PABPN1L: variants seen among roughly 807,000 people sequenced by gnomAD.
PABPN1L encodes the protein embryonic polyadenylate-binding protein 2.
A neutral mutation model predicts 34.0 loss-of-function variants in PABPN1L; 45 were observed. That is an observed-to-expected ratio of 1.32 (90% CI 1.04 to 1.70). PABPN1L has a LOEUF of 1.70. PABPN1L is among the 40% of genes most tolerant of loss of function. The pLI, the probability that PABPN1L is intolerant of heterozygous loss-of-function variation, is 0.00. For missense variants in PABPN1L, 459 were observed against 367.8 expected, an observed-to-expected ratio of 1.25 and a Z score of -2.03; for synonymous variants, 182 against 152.1, an observed-to-expected ratio of 1.20 and a Z score of -1.45.
exon 4 of PABPN1L, chr16:88,865,048 A>C: frequency 6.2e-7 from 1 of 1,600,450 alleles, no homozygotes; most frequent in African/African-American, 1.3e-5. Flanking sequence ...AGAACTTGTC[A>C]CACAGGATCG....
chr16:88,869,545 C>T (rs1385322008), upstream of PABPN1L, among the ~76,000 whole-genome samples: 1 of 152,184 alleles, frequency 6.6e-6, no homozygotes, highest in Non-Finnish European at 1.5e-5. Flanking sequence ...ACATCTGCAC[C>T]GAGGACAGGT....
chr16:88,869,040 C>T (rs960237691), upstream of PABPN1L, among the ~76,000 whole-genome samples: 15 of 152,308 alleles, frequency 9.8e-5, no homozygotes, highest in Middle Eastern at 3.4e-3. Context: ...AAGCGCGATG[C>T]GAGGAGGCAC....
At chr16:88,866,959 A>C (rs1254223210), upstream of PABPN1L, among the ~76,000 whole-genome samples, 2 of 152,240 alleles carry the variant, frequency 1.3e-5, no homozygotes, top group Non-Finnish European at 2.9e-5. Context: ...CACGAACGCC[A>C]CACTGCATGA....
At chr16:88,864,895 G>C (rs759477303) in exon 5 of PABPN1L, 10 of 1,558,660 alleles carry the variant, frequency 6.4e-6, no homozygotes, top group African/African-American at 1.4e-5. Flanking sequence ...CCAGCTCCAC[G>C]GCGGCCTGCA....
exon 7 of PABPN1L, chr16:88,863,791 G>C: frequency 6.5e-7 from 1 of 1,536,006 alleles, no homozygotes; most frequent in Non-Finnish European, 8.7e-7. Flanking sequence ...AATTTTCCAC[G>C]GGCCCTGCAC....
chr16:88,866,153 G>A (rs1390299809), intron 1 of PABPN1L, among the ~76,000 whole-genome samples, 199 bp downstream of exon 1: 3 of 152,226 alleles, frequency 2.0e-5, no homozygotes, highest in Admixed American at 2.0e-4. Flanking sequence ...CCTTCCCCAG[G>A]CGAGAGAGGC....
chr16:88,864,641 G>A (rs1475566961), intron 5 of PABPN1L, among the ~76,000 whole-genome samples: 2 of 145,992 alleles, frequency 1.4e-5, no homozygotes, highest in Non-Finnish European at 3.0e-5. Context: ...GGGGGCTCCC[G>A]CCCGAGAGGG....
intron 6 of PABPN1L, 30 bp from the exon 7 acceptor site, chr16:88,863,825 G>A: frequency 6.5e-7 from 1 of 1,531,056 alleles, no homozygotes; most frequent in Non-Finnish European, 8.7e-7. Context: ...ACACTGAGTG[G>A]CCTTCCAGAG....
chr16:88,866,292 T>C, intron 1 of PABPN1L, 60 bp downstream of exon 1: 1 of 1,510,076 alleles, frequency 6.6e-7, no homozygotes, highest in Non-Finnish European at 8.9e-7. Context: ...ACCCCGTGTC[T>C]CCACCAGCCC....
chr16:88,863,729 C>A (rs1968504435), exon 7 of PABPN1L: 2 of 1,535,796 alleles, frequency 1.3e-6, no homozygotes, highest in Non-Finnish European at 1.7e-6. Context: ...CAGGCCCCAG[C>A]CCCTCTCTCA....
chr16:88,869,653 A>G (rs1419041841), upstream of PABPN1L, among the ~76,000 whole-genome samples: 1 of 152,138 alleles, frequency 6.6e-6, no homozygotes, highest in African/African-American at 2.4e-5. Flanking sequence ...GTCTGCCAGC[A>G]CCCGTGCCTC....
At chr16:88,865,939 C>A in exon 2 of PABPN1L, 1 of 1,605,900 alleles carries the variant, frequency 6.2e-7, no homozygotes. Context: ...TGGCCTCCAG[C>A]TCCTGCCGAC....
At chr16:88,866,261 C>T in intron 1 of PABPN1L, 91 bp downstream of exon 1, 1 of 1,472,612 alleles carries the variant, frequency 6.8e-7, no homozygotes, top group Non-Finnish European at 9.0e-7. Flanking sequence ...CCTAAGTCAG[C>T]TGCAGCCATC....
chr16:88,865,987 G>C lies in PABPN1L; in HGVS notation c.256-46C>G, dbSNP rs188438725. 1.6e-4 allele frequency: 246 copies of C among 1,549,270 alleles called. 1 individual carries two copies. The East Asian group carries it at 5.7e-3, about 36-fold the overall frequency. On this transcript the variant is annotated intron_variant, in intron 1 of 6. Transcript: ENST00000419291. ...GCCGGGCAGGCAGCCTGCAGGCTCT[G>C]CTCAAGGAAGGTGGGTGTGTGGCCT...
At chr16:88,865,897 G>A (rs373097639) in exon 2 of PABPN1L, 65 of 1,609,342 alleles carry the variant, frequency 4.0e-5, no homozygotes, top group Non-Finnish European at 5.2e-5. Context: ...GCGTCCCCTC[G>A]GCCTGCTCCA....
exon 2 of PABPN1L, chr16:88,865,821 T>C: frequency 6.2e-7 from 1 of 1,607,454 alleles, no homozygotes. Flanking sequence ...GTCTCAGGGC[T>C]CAGCAGCTGC....
At position 88,865,129 on chromosome 16, in the gene PABPN1L, C is replaced by G. The variant is rs1323767537; in HGVS notation, c.460-1G>C. ...CCTCGGCGGAGCCCCCGTAGTCCAC[C>G]TGCACCCAGGCCCAGACCAGCATGT... On this transcript the variant is annotated splice_acceptor_variant, in intron 3 of 6. Coordinates refer to ENST00000419291, the Ensembl canonical transcript of PABPN1L. LOFTEE classifies it high-confidence loss of function. 2 of 1,566,408 alleles carry G rather than the reference C, an allele frequency of 1.3e-6. No individual in the cohort carries two copies. Among genetic ancestry groups the G allele is most frequent in the African/African-American group, 1.4e-5 (1 of 73,550 alleles).
chr16:88,864,525 C>T, intron 5 of PABPN1L, 146 bp from the exon 6 acceptor site: 1 of 1,242,120 alleles, frequency 8.1e-7, no homozygotes, highest in Non-Finnish European at 1.1e-6. Context: ...CCTTTGCCTA[C>T]CATAGCTGTC....
rs773793378 is a variant in PABPN1L, at chr16:88,863,705, G to T, written c.*51C>A. ...CCAGCCCCAGGATGGAGCACAAGTG[G>T]TTTACTCCTGATCCAGGCCCCAGCC... On this transcript the variant is annotated 3_prime_UTR_variant, in exon 7 of 7. Transcript: ENST00000419291. 3.9e-6 allele frequency: 6 copies of T among 1,529,744 alleles called. No homozygotes were observed. In the East Asian group the frequency reaches 1.5e-4, roughly 37 times the overall value. The allele number at this position is 1,529,744 out of a possible 1,614,324, so 94.8% of individuals were successfully genotyped here.
Sources: allele counts gnomAD v4.1 joint callset (sites outside exome capture counted in the v4.1 genomes callset), GRCh38; gene constraint gnomAD v4.1.1; transcripts MANE v1.5; gene names NCBI Gene and HGNC (gene_info 2026-07-23, HGNC 2026-07-21).